Variants in FAM117B observed in about 807,000 individuals in gnomAD.
FAM117B encodes the protein protein FAM117B.
FAM117B carries 22 observed loss-of-function variants against 52.8 expected under a neutral mutation model. That is an observed-to-expected ratio of 0.42 (90% CI 0.30 to 0.59). The LOEUF (loss-of-function observed/expected upper bound fraction) is 0.59. FAM117B is among the 20% of genes least tolerant of loss of function. The pLI is 0.22. For missense variants in FAM117B, 678 were observed against 802.6 expected (o/e 0.84, Z 1.88); for synonymous variants, 309 against 324.1 (o/e 0.95, Z 0.50).
At chr2:202,712,384 T>G (rs1690971302) in intron 2 of FAM117B, among the ~76,000 whole-genome samples, 1 of 151,942 alleles carries the variant, frequency 6.6e-6, no homozygotes, top group Non-Finnish European at 1.5e-5. Flanking sequence ...TATGTTGATT[T>G]TGTATCCTGC....
At chr2:202,722,420 C>T (rs1691170841) in intron 2 of FAM117B, among the ~76,000 whole-genome samples, 1 of 152,150 alleles carries the variant, frequency 6.6e-6, no homozygotes, top group African/African-American at 2.4e-5. Context: ...TGGAATCAAC[C>T]TAAATGCCCA....
chr2:202,740,201 A>AAAAT (rs1559113324), intron 4 of FAM117B, among the ~76,000 whole-genome samples: 3 of 147,508 alleles, frequency 2.0e-5, no homozygotes, highest in Non-Finnish European at 3.0e-5. Flanking sequence ...AAAAAAAAAA[A>AAAAT]ATCCCCAAAT....
At chr2:202,759,453 A>G in intron 7 of FAM117B, 100 bp downstream of exon 7, 1 of 1,457,410 alleles carries the variant, frequency 6.9e-7, no homozygotes, top group Non-Finnish European at 9.2e-7. Context: ...GCACTGATGC[A>G]GTCACAGGTC....
intron 6 of FAM117B, 64 bp downstream of exon 6, chr2:202,757,502 C>A: frequency 6.7e-7 from 1 of 1,481,830 alleles, no homozygotes; most frequent in Non-Finnish European, 9.3e-7. Context: ...ATCATTCATT[C>A]TATTCATTTT....
rs973780919 is a variant in FAM117B at position 202,639,062 on chromosome 2, A to G, written c.601+3274A>G. Among the ~76,000 whole-genome samples the G allele has an allele frequency of 5.3e-5, 8 of 152,276 alleles. No homozygotes were observed. The South Asian group carries it at 1.4e-3, about 28-fold the overall frequency. On this transcript the variant is annotated intron_variant, in intron 1 of 7. Transcript: ENST00000392238. ...TAAACGTCAGAGTCCCTTTTTCATT[A>G]AAGGGAGGCTACCACCAGTTTGCAG...
intron 4 of FAM117B, among the ~76,000 whole-genome samples, chr2:202,733,031 A>G (rs916259137): frequency 6.6e-6 from 1 of 152,092 alleles, no homozygotes; most frequent in Non-Finnish European, 1.5e-5. Flanking sequence ...AGTGTCGGCT[A>G]GTCTGAGAAA....
At chr2:202,714,787 G>T (rs537156982) in intron 2 of FAM117B, among the ~76,000 whole-genome samples, 1 of 151,620 alleles carries the variant, frequency 6.6e-6, no homozygotes, top group Non-Finnish European at 1.5e-5. Context: ...ATCTTGCACC[G>T]CCCTTAATCC....
chr2:202,680,221 C>T (rs13430645), intron 1 of FAM117B, among the ~76,000 whole-genome samples: 13,638 of 151,562 alleles, frequency 0.09, 2,063 homozygotes, highest in African/African-American at 0.31. Flanking sequence ...ATAACATGGG[C>T]GTGATTGTAC....
intron 1 of FAM117B, among the ~76,000 whole-genome samples, chr2:202,660,326 A>G (rs562435154): frequency 1.3e-5 from 2 of 152,132 alleles, no homozygotes; most frequent in South Asian, 4.2e-4. Context: ...TTAGCAGGCA[A>G]TCAGACTGGT....
intron 1 of FAM117B, among the ~76,000 whole-genome samples, chr2:202,694,033 G>A (rs1690671964): frequency 6.6e-6 from 1 of 151,950 alleles, no homozygotes; most frequent in South Asian, 2.1e-4. Flanking sequence ...CAACTATGGG[G>A]TAAGGGTAGT....
intron 2 of FAM117B, among the ~76,000 whole-genome samples, chr2:202,698,156 T>C (rs1690742191): frequency 6.6e-6 from 1 of 152,174 alleles, no homozygotes; most frequent in Non-Finnish European, 1.5e-5. Context: ...TGAGCCAAGG[T>C]GCCCAGCCCT....
chr2:202,637,590 T>G (rs1456646991), intron 1 of FAM117B, among the ~76,000 whole-genome samples: 2 of 152,174 alleles, frequency 1.3e-5, no homozygotes, highest in Non-Finnish European at 2.9e-5. Context: ...TCTAAAACTG[T>G]GATAAAAGTA....
chr2:202,708,610 T>A (rs1176552871), intron 2 of FAM117B, among the ~76,000 whole-genome samples: 2 of 152,164 alleles, frequency 1.3e-5, no homozygotes, highest in Non-Finnish European at 2.9e-5. Context: ...TTTTAATTAT[T>A]TGTTTTGTTT....
intron 4 of FAM117B, among the ~76,000 whole-genome samples, chr2:202,751,374 G>A (rs61140801): frequency 6.6e-6 from 1 of 152,126 alleles, no homozygotes; most frequent in Non-Finnish European, 1.5e-5. Context: ...AGTTGTCACC[G>A]CTTATGAAAG....
chr2:202,708,237 C>G (rs956202037), intron 2 of FAM117B, among the ~76,000 whole-genome samples: 1 of 152,192 alleles, frequency 6.6e-6, no homozygotes, highest in Non-Finnish European at 1.5e-5. Flanking sequence ...CTCCATCCCC[C>G]CAGTCCCTAG....
chr2:202,665,027 G>A (rs1245097788), intron 1 of FAM117B, among the ~76,000 whole-genome samples: 2 of 152,114 alleles, frequency 1.3e-5, no homozygotes, highest in South Asian at 4.1e-4. Context: ...GGGGAAGAAG[G>A]TGCTTCCAAA....
At chr2:202,758,354 G>A (rs1287821418) in intron 6 of FAM117B, among the ~76,000 whole-genome samples, 14 of 152,158 alleles carry the variant, frequency 9.2e-5, no homozygotes, top group Non-Finnish European at 1.3e-4. Flanking sequence ...GATAAAACAC[G>A]GGTCAGATAA....
intron 4 of FAM117B, among the ~76,000 whole-genome samples, chr2:202,749,645 A>G (rs1691691530): frequency 6.6e-6 from 1 of 152,128 alleles, no homozygotes; most frequent in African/African-American, 2.4e-5. Flanking sequence ...AAACAATGGC[A>G]GTCCAGGCAC....
At chr2:202,747,409 T>C (rs745917545) in intron 4 of FAM117B, among the ~76,000 whole-genome samples, 4 of 152,000 alleles carry the variant, frequency 2.6e-5, no homozygotes, top group Non-Finnish European at 5.9e-5. Flanking sequence ...AGTATAGTAC[T>C]GGGGGTCCTA....
Sources: allele counts gnomAD v4.1 joint callset (sites outside exome capture counted in the v4.1 genomes callset), GRCh38; gene constraint gnomAD v4.1.1; transcripts MANE v1.5; gene names NCBI Gene and HGNC (gene_info 2026-07-23, HGNC 2026-07-21).